SGCD: variants seen among roughly 807,000 people sequenced by gnomAD.
SGCD encodes delta-sarcoglycan.
Under a neutral mutation model 36.6 loss-of-function variants are expected in SGCD, and 18 were observed. That is an observed-to-expected ratio of 0.49 (90% CI 0.34 to 0.73). The LOEUF is 0.73. Among genes scored for constraint, SGCD ranks in the 30% least tolerant of loss-of-function variants. The pLI, the probability that SGCD is intolerant of heterozygous loss-of-function variation, is 0.01. For missense variants in SGCD, 387 were observed against 346.7 expected, an observed-to-expected ratio of 1.12 and a Z score of -0.92; for synonymous variants, 133 against 130.6, an observed-to-expected ratio of 1.02 and a Z score of -0.12.
At chr5:156,573,214 A>G (rs1229365091) in intron 4 of SGCD, among the ~76,000 whole-genome samples, 1 of 152,180 alleles carries the variant, frequency 6.6e-6, no homozygotes, top group Non-Finnish European at 1.5e-5. Flanking sequence ...GCAGTCTTAG[A>G]GTATGAAGGT....
intron 1 of SGCD, among the ~76,000 whole-genome samples, chr5:156,067,569 ACTG>A (rs1349310268): frequency 2.6e-5 from 2 of 77,404 alleles, no homozygotes; most frequent in Non-Finnish European, 4.2e-5. Flanking sequence ...TTGATCTCAG[ACTG>A]CTGTGCTAGC....
At chr5:156,121,273 G>A (rs1762033777) in intron 2 of SGCD, among the ~76,000 whole-genome samples, 1 of 152,128 alleles carries the variant, frequency 6.6e-6, no homozygotes, top group Non-Finnish European at 1.5e-5. Flanking sequence ...AGTTTATTGA[G>A]CACTAACATT....
chr5:155,840,456 A>AT, the SGCD span, among the ~76,000 whole-genome samples: 722 of 108,486 alleles, frequency 6.7e-3, 4 homozygotes, highest in Admixed American at 0.012. Flanking sequence ...ATTTTTTTGT[A>AT]TTTTTTGTAT....
chr5:156,548,645 G>T (rs1021462067), intron 4 of SGCD, among the ~76,000 whole-genome samples: 1 of 151,960 alleles, frequency 6.6e-6, no homozygotes, highest in Non-Finnish European at 1.5e-5. Flanking sequence ...GTCAAATTCA[G>T]AAGATAGGAC....
chr5:156,722,092 G>A (rs555195074), intron 7 of SGCD, among the ~76,000 whole-genome samples: 66 of 152,268 alleles, frequency 4.3e-4, no homozygotes, highest in African/African-American at 1.4e-3. Context: ...TTCCTAGAGC[G>A]AAATCATATT....
At chr5:156,631,484 A>T (rs1463263488) in intron 6 of SGCD, among the ~76,000 whole-genome samples, 90 of 150,362 alleles carry the variant, frequency 6.0e-4, no homozygotes, top group Middle Eastern at 3.4e-3. Context: ...TTTAAAAAAA[A>T]GATAATTGGT....
intron 4 of SGCD, among the ~76,000 whole-genome samples, chr5:156,571,431 G>A (rs1050614790): frequency 2.0e-5 from 3 of 151,806 alleles, no homozygotes; most frequent in African/African-American, 7.3e-5. Flanking sequence ...TGTTCTACTG[G>A]CTTATTAAGT....
intron 3 of SGCD, among the ~76,000 whole-genome samples, chr5:156,137,091 G>T (rs1484654090): frequency 6.6e-6 from 1 of 152,176 alleles, no homozygotes; most frequent in South Asian, 2.1e-4. Flanking sequence ...AATGATAGGA[G>T]CATTTTACCC....
chr5:155,730,733 C>T, the SGCD span, among the ~76,000 whole-genome samples: 1 of 152,180 alleles, frequency 6.6e-6, no homozygotes, highest in Admixed American at 6.5e-5. Context: ...CTGCTGTTGA[C>T]GCTTGCCCCA....
chr5:155,903,374 G>T (rs564512880), intron 1 of SGCD, among the ~76,000 whole-genome samples: 6 of 152,144 alleles, frequency 3.9e-5, no homozygotes, highest in South Asian at 2.1e-4. Flanking sequence ...AGATTTTTTT[G>T]TTGTTGTTGC....
At chr5:155,899,723 G>A (rs910867046) in intron 1 of SGCD, among the ~76,000 whole-genome samples, 3 of 152,110 alleles carry the variant, frequency 2.0e-5, no homozygotes, top group Admixed American at 1.3e-4. Context: ...AGGGCAATGA[G>A]GTTGAAACTT....
chr5:156,523,437 T>C (rs1437443933), intron 4 of SGCD, among the ~76,000 whole-genome samples: 1 of 152,162 alleles, frequency 6.6e-6, no homozygotes, highest in Non-Finnish European at 1.5e-5. Flanking sequence ...TGGGATGATA[T>C]TGTATACTTA....
intron 1 of SGCD, among the ~76,000 whole-genome samples, chr5:156,105,178 CTCTT>C (rs1423876273): frequency 1.3e-5 from 2 of 152,192 alleles, no homozygotes; most frequent in African/African-American, 2.4e-5. Context: ...TTAGTTGCCT[CTCTT>C]CCTTTCTTCT....
intron 6 of SGCD, among the ~76,000 whole-genome samples, chr5:156,639,980 G>A (rs1762969140): frequency 6.6e-6 from 1 of 151,416 alleles, no homozygotes; most frequent in Non-Finnish European, 1.5e-5. Flanking sequence ...CCTTCTCTTA[G>A]TGTCCACACT....
chr5:155,965,102 G>A (rs979137758), intron 1 of SGCD, among the ~76,000 whole-genome samples: 4 of 152,202 alleles, frequency 2.6e-5, no homozygotes, highest in Admixed American at 2.6e-4. Context: ...ACCCTTGCAA[G>A]TTTCAGACAT....
At chr5:156,169,538 T>G (rs371382436) in intron 3 of SGCD, among the ~76,000 whole-genome samples, 133 of 152,294 alleles carry the variant, frequency 8.7e-4, no homozygotes, top group African/African-American at 3.1e-3. Flanking sequence ...TTAATGGTAT[T>G]GATATTCTGG....
chr5:156,358,710 A>T lies in SGCD; in HGVS notation c.192+14033A>T, dbSNP rs574097670. On this transcript the variant is annotated intron_variant, in intron 3 of 8. Transcript: ENST00000337851. The stretch of plus-strand genomic sequence containing the variant: ...AGTGGATGGTGTAAAGAAGGCAGGA[A>T]GGGGTGATTTGGCATAATTGAAGAG... Among the ~76,000 whole-genome samples, 15 of 152,338 alleles carry T rather than the reference A, an allele frequency of 9.8e-5. No individual in the cohort carries two copies. In the East Asian group the frequency reaches 2.9e-3, roughly 29 times the overall value.
At chr5:156,238,722 C>T (rs1765227771) in intron 3 of SGCD, among the ~76,000 whole-genome samples, 1 of 152,098 alleles carries the variant, frequency 6.6e-6, no homozygotes, top group Non-Finnish European at 1.5e-5. Flanking sequence ...TTTCACTGAT[C>T]CCCAGGACCA....
intron 3 of SGCD, among the ~76,000 whole-genome samples, chr5:156,317,071 A>G (rs1005838500): frequency 5.9e-5 from 9 of 152,152 alleles, no homozygotes; most frequent in Non-Finnish European, 1.3e-4. Flanking sequence ...AGTCACTGGA[A>G]AATGGCAAAA....
Sources: allele counts gnomAD v4.1 joint callset (sites outside exome capture counted in the v4.1 genomes callset), GRCh38; gene constraint gnomAD v4.1.1; transcripts MANE v1.5; gene names NCBI Gene and HGNC (gene_info 2026-07-23, HGNC 2026-07-21).